Variants in METTL4 observed in about 807,000 individuals in gnomAD.
METTL4 encodes N(6)-adenine-specific methyltransferase METTL4.
METTL4 carries 40 observed loss-of-function variants against 54.0 expected under a neutral mutation model. The observed-to-expected ratio is 0.74, with a 90% CI of 0.58 to 0.96. The LOEUF is 0.96. Ranked by LOEUF, METTL4 falls within the 50% of genes least tolerant of loss-of-function variation. METTL4 has a pLI of 0.00. For synonymous variants in METTL4, 169 were observed against 183.8 expected, an observed-to-expected ratio of 0.92 and a Z score of 0.65; for missense variants, 525 against 549.0, an observed-to-expected ratio of 0.96 and a Z score of 0.44.
chr18:2,539,253 G>T, intron 8 of METTL4, 108 bp from the exon 9 acceptor site: 1 of 894,094 alleles, frequency 1.1e-6, no homozygotes, highest in Non-Finnish European at 1.7e-6. Flanking sequence ...GTTCTTAAAA[G>T]ACAGCAAATT....
chr18:2,565,246 T>C (rs944754833), intron 2 of METTL4, among the ~76,000 whole-genome samples: 1 of 151,194 alleles, frequency 6.6e-6, no homozygotes, highest in Non-Finnish European at 1.5e-5. Context: ...GCCACTGCGC[T>C]CCAGCCTGGG....
chr18:2,542,605 G>A lies in METTL4; in HGVS notation c.1273+1590C>T, dbSNP rs149750042. The stretch of plus-strand genomic sequence containing the variant: ...CAAGTGATAAATAAAATTCAAATGA[G>A]AGGAATACATATACATATATAATCA... On this transcript the variant is annotated intron_variant, in intron 8 of 8. Transcript: ENST00000574538. Among the ~76,000 whole-genome samples the A allele has an allele frequency of 3.9e-3, 593 of 152,152 alleles. 9 individuals are homozygous for A. Among genetic ancestry groups the A allele is most frequent in the African/African-American group, 0.013 (559 of 41,508 alleles).
At chr18:2,558,894 T>C (rs7241268) in intron 3 of METTL4, among the ~76,000 whole-genome samples, 17,098 of 152,112 alleles carry the variant, frequency 0.11, 987 homozygotes, top group Non-Finnish European at 0.13. Context: ...TACTAACCAT[T>C]AGGTAAATAC....
chr18:2,544,435 G>A, intron 7 of METTL4, 149 bp from the exon 8 acceptor site: 1 of 656,794 alleles, frequency 1.5e-6, no homozygotes, highest in Non-Finnish European at 2.5e-6. Flanking sequence ...TTTAAGTATT[G>A]AGACATTCCT....
At chr18:2,541,854 T>C (rs1484138559) in intron 8 of METTL4, among the ~76,000 whole-genome samples, 7 of 152,174 alleles carry the variant, frequency 4.6e-5, no homozygotes, top group African/African-American at 1.7e-4. Context: ...GTAAGCATTA[T>C]ATACAGAATA....
chr18:2,564,489 A>C (rs1057163408), intron 2 of METTL4, among the ~76,000 whole-genome samples: 59 of 152,128 alleles, frequency 3.9e-4, no homozygotes, highest in Admixed American at 3.3e-3. Context: ...ATTTCTGAGA[A>C]GAGAAACTAG....
chr18:2,569,711 G>T (rs1329998906), intron 1 of METTL4, among the ~76,000 whole-genome samples: 1 of 152,044 alleles, frequency 6.6e-6, no homozygotes, highest in African/African-American at 2.4e-5. Context: ...TCTGAGATTC[G>T]CCTTCCATGA....
chr18:2,552,663 T>C, intron 5 of METTL4, 32 bp downstream of exon 5: 1 of 1,504,874 alleles, frequency 6.6e-7, no homozygotes. Flanking sequence ...CTACAGTTTT[T>C]TTAGAAAGCA....
At position 2,567,042 on chromosome 18, in the gene METTL4, A is replaced by C. The variant is rs145830021; in HGVS notation, c.175T>G (p.Cys59Gly). ...QMDSVSSSGV[C>G]AAFIASDSST... ...GAGTCAGAAGCAATAAATGCAGCAC[A>C]GACTCCAGAGGAGGACACAGAATCC... The change falls in exon 2 of 9, where the codon TGT (cysteine) becomes GGT (glycine). Residue 59 changes from cysteine to glycine, a missense_variant. Transcript: ENST00000574538. 6.2e-7 allele frequency: 1 copy of C among 1,614,074 alleles called. No homozygotes were observed. The highest frequency in any genetic ancestry group is 1.3e-5 in the African/African-American group (1 of 74,944).
intron 5 of METTL4, among the ~76,000 whole-genome samples, chr18:2,549,151 C>A (rs952784901): frequency 6.6e-6 from 1 of 152,174 alleles, no homozygotes; most frequent in Non-Finnish European, 1.5e-5. Flanking sequence ...CCTTTATATA[C>A]CTTTACTTAT....
intron 3 of METTL4, chr18:2,561,598 A>G (rs1220879800): frequency 6.6e-6 from 1 of 152,220 alleles, no homozygotes; most frequent in Non-Finnish European, 1.5e-5. Context: ...AAATTTATTA[A>G]AAAGAGGAGT....
chr18:2,567,100 G>A lies in METTL4; in HGVS notation c.117C>T (p.Phe39=). The change falls in exon 2 of 9, where the codon TTC becomes TTT. Residue 39 remains phenylalanine, a synonymous_variant. Coordinates refer to ENST00000574538, the MANE Select transcript of METTL4 (RefSeq NM_022840.5). ...GAGACTCAAAGTGAACAGAAGTAGTGAACTCCTTTTTACGGCAACAAGGTT... is the reference window on the plus strand; with the variant it reads ...GAGACTCAAAGTGAACAGAAGTAGTAAACTCCTTTTTACGGCAACAAGGTT... ...HHEPCCRKKE[F]TTSVHFESLQ... 1 of 1,614,150 alleles carries A rather than the reference G, an allele frequency of 6.2e-7. No individual in the cohort carries two copies. Among genetic ancestry groups the A allele is most frequent in the Non-Finnish European group, 8.5e-7 (1 of 1,180,006 alleles).
chr18:2,567,162 TAAAAG>T lies in METTL4; in HGVS notation c.50_54del (p.Ser17TyrfsTer13). 1 of 1,613,804 alleles carries T rather than the reference TAAAAG, an allele frequency of 6.2e-7. No individual in the cohort carries two copies. The highest frequency in any genetic ancestry group is 8.5e-7 in the Non-Finnish European group (1 of 1,179,884). Reference sequence around the variant, plus strand: ...TGAAGTTGATAGTTTATCTTGTTGATAAAAGAAAGATGATCCAGTAACCACCCAGC... The same window carrying T: ...TGAAGTTGATAGTTTATCTTGTTGATAAAGATGATCCAGTAACCACCCAGC... On this transcript the variant is annotated frameshift_variant, in exon 2 of 9. Coordinates refer to ENST00000574538, the MANE Select transcript of METTL4 (RefSeq NM_022840.5). LOFTEE classifies it high-confidence loss of function.
At chr18:2,553,837 C>T (rs1255499748) in intron 4 of METTL4, 1 of 152,102 alleles carries the variant, frequency 6.6e-6, no homozygotes, top group Non-Finnish European at 1.5e-5. Flanking sequence ...AAAAAATGTG[C>T]ATGCATAGAA....
intron 5 of METTL4, among the ~76,000 whole-genome samples, chr18:2,547,749 A>AT (rs11321765): frequency 2.6e-5 from 4 of 151,478 alleles, no homozygotes; most frequent in African/African-American, 4.9e-5. Context: ...GTCAGGCTGT[A>AT]TTTTTTTTTA....
intron 5 of METTL4, among the ~76,000 whole-genome samples, chr18:2,551,700 T>TA (rs1316422817): frequency 5.1e-5 from 7 of 135,946 alleles, no homozygotes; most frequent in Non-Finnish European, 8.1e-5. Context: ...TATCTCAAAA[T>TA]AAAAAAAAAG....
At chr18:2,556,303 G>T (rs915974983) in intron 3 of METTL4, among the ~76,000 whole-genome samples, 1 of 147,148 alleles carries the variant, frequency 6.8e-6, no homozygotes, top group African/African-American at 2.5e-5. Flanking sequence ...CGGCAATTGG[G>T]AAAAAAAAAA....
At chr18:2,569,910 T>C (rs2072477461) in intron 1 of METTL4, among the ~76,000 whole-genome samples, 1 of 152,182 alleles carries the variant, frequency 6.6e-6, no homozygotes, top group Non-Finnish European at 1.5e-5. Flanking sequence ...AGGAAATTAA[T>C]AGTGGGTCCT....
At chr18:2,551,085 A>AC (rs1204522986) in intron 5 of METTL4, among the ~76,000 whole-genome samples, 8 of 144,680 alleles carry the variant, frequency 5.5e-5, no homozygotes, top group Non-Finnish European at 1.2e-4. Flanking sequence ...AATGGCGTGA[A>AC]CCCGGGAGGC....
Sources: gnomAD v4.1 joint callset for allele counts (sites outside exome capture counted in the v4.1 genomes callset) on GRCh38, gnomAD v4.1.1 for gene constraint, MANE v1.5 for transcripts, NCBI Gene and HGNC (gene_info 2026-07-23, HGNC 2026-07-21) for gene names.